Variants in PANK4 observed in about 807,000 individuals in gnomAD.
PANK4 encodes 4'-phosphopantetheine phosphatase.
Under a neutral mutation model 87.9 loss-of-function variants are expected in PANK4, and 40 were observed. That is an observed-to-expected ratio of 0.46 (90% CI 0.35 to 0.59). The LOEUF (loss-of-function observed/expected upper bound fraction) is 0.59, where lower values mean the gene tolerates loss of function less well. Ranked by LOEUF, PANK4 falls within the 20% of genes least tolerant of loss-of-function variation. The pLI, the probability that PANK4 is intolerant of heterozygous loss-of-function variation, is 0.00. For missense variants in PANK4, 926 were observed against 1,072.3 expected, an observed-to-expected ratio of 0.86 and a Z score of 1.90; for synonymous variants, 524 against 467.4, an observed-to-expected ratio of 1.12 and a Z score of -1.56.
chr1:2,521,348 G>C, intron 2 of PANK4, 33 bp from the exon 3 acceptor site: 1 of 1,529,084 alleles, frequency 6.5e-7, no homozygotes, highest in Non-Finnish European at 9.1e-7. Context: ...CCGCATGTGT[G>C]TGGGACACCG....
chr1:2,513,059 C>A lies in PANK4; in HGVS notation c.1576-20G>T, dbSNP rs1643690975. On this transcript the variant is annotated intron_variant, in intron 12 of 18. Transcript: ENST00000378466. ...CTTCACCTGTGGAGAGTGCCAGATG[C>A]CAGGCCTGAGTGAAGACGTGGCCTC... 6.4e-7 allele frequency: 1 copy of A among 1,574,354 alleles called. No individual in the cohort carries two copies. The highest frequency in any genetic ancestry group is 8.7e-7 in the Non-Finnish European group (1 of 1,154,938).
At position 2,512,932 on chromosome 1, in the gene PANK4, G is replaced by C; in HGVS notation, c.1683C>G (p.Leu561=). 4 of 1,612,802 alleles carry C rather than the reference G, an allele frequency of 2.5e-6. No homozygotes were observed. The highest frequency in any genetic ancestry group is 3.4e-6 in the Non-Finnish European group (4 of 1,179,874). Residue 561 remains leucine, a synonymous_variant, in exon 13 of 19, where the codon CTC becomes CTG. Transcript: ENST00000378466. ...EERQLALVKG[L]LAGNVFDWGA... The stretch of plus-strand genomic sequence containing the variant: ...CCCAGTCGAAGACATTCCCCGCCAG[G>C]AGGCCTTTCACCAGCGCCAGCTGCC...
intron 9 of PANK4, chr1:2,516,087 C>T: frequency 3.0e-6 from 1 of 335,244 alleles, no homozygotes; most frequent in Non-Finnish European, 5.6e-6. Flanking sequence ...GTCACCCCTC[C>T]CTGTCACCCC....
chr1:2,509,158 G>C lies in PANK4; in HGVS notation c.2109-98C>G. 5.4e-6 allele frequency: 5 copies of C among 928,792 alleles called. No homozygotes were observed. The highest frequency in any genetic ancestry group is 4.9e-5 in the Admixed American group (2 of 40,866). 57.5% of individuals were successfully genotyped at this position (928,792 alleles called of 1,614,324 possible). The stretch of plus-strand genomic sequence containing the variant: ...CAACGTGAAGGCTGAAACCCCTACC[G>C]CTCAATTCCCTGATGTGGAGGCCTC... On this transcript the variant is annotated intron_variant, in intron 18 of 18. Transcript: ENST00000378466. The surrounding 1 kb of genome is among the most constrained non-coding windows in gnomAD (Gnocchi z 4.9).
chr1:2,511,180 G>A (rs1032207453), intron 15 of PANK4, among the ~76,000 whole-genome samples, 158 bp downstream of exon 15: 2 of 152,196 alleles, frequency 1.3e-5, no homozygotes, highest in African/African-American at 4.8e-5. Context: ...GGGCAAGTGT[G>A]GGGCAGGGGA....
intron 10 of PANK4, 51 bp from the exon 11 acceptor site, chr1:2,514,517 C>CG: frequency 7.5e-7 from 1 of 1,325,816 alleles, no homozygotes; most frequent in Non-Finnish European, 1.0e-6. Context: ...CTGCTGCTTG[C>CG]GAATCCCCAC....
Position 2,509,846 on chromosome 1 carries a change from C to T in PANK4, c.2108+16G>A, listed in dbSNP as rs374134138. On this transcript the variant is annotated intron_variant, in intron 18 of 18. Coordinates refer to ENST00000378466, the MANE Select transcript of PANK4 (RefSeq NM_018216.4). The surrounding 1 kb of genome is among the most constrained non-coding windows in gnomAD (Gnocchi z 4.9). Reference sequence around the variant, plus strand: ...GAGCCCAGGAGGGAGAGAACAGGTGCAGGGTGCGGGGTTACCTGAGGTCGA... The same window carrying T: ...GAGCCCAGGAGGGAGAGAACAGGTGTAGGGTGCGGGGTTACCTGAGGTCGA... 5 of 1,607,894 alleles carry T rather than the reference C, an allele frequency of 3.1e-6. No homozygotes were observed. The highest frequency in any genetic ancestry group is 2.0e-4 in the Middle Eastern group (1 of 4,944).
Position 2,510,396 on chromosome 1 carries a change from T to TCC in PANK4, c.1939-240_1939-239insGG, listed in dbSNP as rs60181825. The TCC allele has an allele frequency of 8.4e-6, 5 of 597,922 alleles. No homozygotes were observed. Among genetic ancestry groups the TCC allele is most frequent in the African/African-American group, 1.9e-5 (1 of 53,476 alleles). 37.0% of individuals were successfully genotyped at this position (597,922 alleles called of 1,614,324 possible). On this transcript the variant is annotated intron_variant, in intron 16 of 18. Transcript: ENST00000378466. This position sits in a 1 kb window ranked among gnomAD's most constrained non-coding sequence, Gnocchi z 4.9. ...AGCCTGCCCCTGGGACCTGCCTGTCTGTGAAGTCACAGCCCCAAAGCCTCC... is the reference window on the plus strand; with the variant it reads ...AGCCTGCCCCTGGGACCTGCCTGTCTCCGTGAAGTCACAGCCCCAAAGCCTCC...
chr1:2,512,674 C>A, intron 13 of PANK4: 1 of 572,352 alleles, frequency 1.7e-6, no homozygotes, highest in East Asian at 3.0e-5. Context: ...AAGGGGCCTC[C>A]TCAGAACCTG....
At chr1:2,518,294 T>C (rs758926003) in intron 8 of PANK4, 30 bp from the exon 9 acceptor site, 4 of 1,487,964 alleles carry the variant, frequency 2.7e-6, no homozygotes, top group Admixed American at 1.7e-5. Context: ...GTCACTTGTG[T>C]TAACCTTGCC....
chr1:2,525,462 G>C (rs939659358), intron 1 of PANK4: 2 of 152,150 alleles, frequency 1.3e-5, no homozygotes, highest in African/African-American at 4.8e-5. Flanking sequence ...GGCTATTCAA[G>C]GGGGGTTTCT....
chr1:2,518,181 G>A lies in PANK4; in HGVS notation c.1201C>T (p.Arg401Trp), dbSNP rs112186019. 1.1e-5 allele frequency: 17 copies of A among 1,607,186 alleles called. No individual in the cohort carries two copies. The highest frequency in any genetic ancestry group is 2.2e-5 in the East Asian group (1 of 44,824). The change falls in exon 9 of 19, where the codon CGG (arginine) becomes TGG (tryptophan). Residue 401 changes from arginine to tryptophan, a missense_variant. Coordinates refer to ENST00000378466, the MANE Select transcript of PANK4 (RefSeq NM_018216.4). ...SASPELGPAQ[R>W]ARSGTFDLLE... is the part of the protein sequence containing the mutation. Reference sequence around the variant, plus strand: ...CTACTCACAGTGCCACTCCGCGCCCGCTGCGCCGGGCCGAGCTCGGGTGAT... The same window carrying A: ...CTACTCACAGTGCCACTCCGCGCCCACTGCGCCGGGCCGAGCTCGGGTGAT...
Position 2,510,589 on chromosome 1 carries a change from G to C in PANK4, c.1938+89C>G. The C allele has an allele frequency of 1.3e-6, 1 of 791,280 alleles. No homozygotes were observed. Among genetic ancestry groups the C allele is most frequent in the South Asian group, 1.5e-5 (1 of 68,336 alleles). 49.0% of individuals were successfully genotyped at this position (791,280 alleles called of 1,614,324 possible). On this transcript the variant is annotated intron_variant, in intron 16 of 18. Coordinates refer to ENST00000378466, the MANE Select transcript of PANK4 (RefSeq NM_018216.4). The surrounding 1 kb of genome is among the most constrained non-coding windows in gnomAD (Gnocchi z 4.9). The stretch of plus-strand genomic sequence containing the variant: ...TACCTGCTGCGTCCGGAGGAGCCCC[G>C]ACCACCGCCAGAGGCCCACAGCGGC...
chr1:2,525,377 T>C lies in PANK4; in HGVS notation c.124+1087A>G, dbSNP rs4648560. On this transcript the variant is annotated intron_variant, in intron 1 of 18. Transcript: ENST00000378466. ...GCTACAAGACACACCGCTGCTCTTG[T>C]GGGATTCACACACAAGCAGACTCAG... Among the ~76,000 whole-genome samples the C allele has an allele frequency of 0.019, 2,941 of 151,980 alleles. 322 individuals carry two copies. In the East Asian group the frequency reaches 0.33, roughly 17 times the overall value.
At chr1:2,517,474 G>A (rs1643801523) in intron 9 of PANK4, among the ~76,000 whole-genome samples, 1 of 152,258 alleles carries the variant, frequency 6.6e-6, no homozygotes, top group Non-Finnish European at 1.5e-5. Flanking sequence ...CACAGCTACA[G>A]AAGGAATGAG....
At position 2,514,096 on chromosome 1, in the gene PANK4, A is replaced by G; in HGVS notation, c.1488-7T>C. 1 of 1,609,448 alleles carries G rather than the reference A, an allele frequency of 6.2e-7. No homozygotes were observed. The highest frequency in any genetic ancestry group is 8.5e-7 in the Non-Finnish European group (1 of 1,177,084). ...GGTCAGGGTCCCATAGGCGCTGGGG[A>G]CAGACACGGCAGAGGGCGCTGAGCA... is the stretch of plus-strand genomic sequence containing the variant. On this transcript the variant is annotated splice_polypyrimidine_tract_variant and splice_region_variant and intron_variant, in intron 11 of 18. Coordinates refer to ENST00000378466, the MANE Select transcript of PANK4 (RefSeq NM_018216.4).
Position 2,518,566 on chromosome 1 carries a change from T to C in PANK4, c.1067A>G (p.Glu356Gly). ...GEVQALFLRH[E>G]GYLGAIGAFL... ...CGCTCCGATGGCTCCCAGGTAGCCT[T>C]CGTGCCTCAGAAACAGCGCCTGCAC... The change falls in exon 8 of 19, where the codon GAA becomes GGA. Residue 356 changes from glutamate to glycine, a missense_variant. Transcript: ENST00000378466. The C allele has an allele frequency of 6.4e-7, 1 of 1,574,260 alleles. No homozygotes were observed. Among genetic ancestry groups the C allele is most frequent in the Non-Finnish European group, 8.6e-7 (1 of 1,159,816 alleles).
In PANK4 at chr1:2,520,205, C is replaced by T. The variant is rs1343693232; in HGVS notation, c.699+117G>A. 2.5e-5 allele frequency: 24 copies of T among 963,968 alleles called. 1 individual carries two copies. The highest frequency in any genetic ancestry group is 4.8e-5 in the African/African-American group (3 of 62,456). The allele number at this position is 963,968 out of a possible 1,614,324, so 59.7% of individuals were successfully genotyped here. A position where few individuals can be genotyped will look rare whatever the true frequency, so the allele number is the denominator to read the frequency against. ...GCCGCAGAGGCCAGAGACCCACTGA[C>T]GCGAGTCAGGAGGGAGGCCCGGAAG... On this transcript the variant is annotated intron_variant, in intron 5 of 18. Transcript: ENST00000378466. The surrounding 1 kb of genome is among the most constrained non-coding windows in gnomAD (Gnocchi z 6.2).
At chr1:2,523,878 C>T (rs547132263) in intron 1 of PANK4, among the ~76,000 whole-genome samples, 18 of 152,360 alleles carry the variant, frequency 1.2e-4, no homozygotes, top group African/African-American at 3.4e-4. Flanking sequence ...CCGGGCTGCC[C>T]GCGCTCGGCC....
Sources: allele counts gnomAD v4.1 joint callset (sites outside exome capture counted in the v4.1 genomes callset), GRCh38; gene constraint gnomAD v4.1.1; non-coding constraint Gnocchi (gnomAD v3.1); transcripts MANE v1.5; gene names NCBI Gene and HGNC (gene_info 2026-07-23, HGNC 2026-07-21).